The following ARHGEF7 variants were observed in gnomAD, a reference collection of about 807,000 sequenced individuals.
The protein encoded by ARHGEF7 is Rho guanine nucleotide exchange factor 7, also known as PAK-interacting exchange factor beta.
In ARHGEF7, 33 loss-of-function variants were observed where a neutral mutation model predicts 109.8. The observed-to-expected ratio is 0.30, with a 90% confidence interval of 0.23 to 0.40. ARHGEF7 has a LOEUF of 0.40. Among genes scored for constraint, ARHGEF7 ranks in the 10% least tolerant of loss-of-function variants. ARHGEF7 has a pLI of 1.00. For synonymous variants in ARHGEF7, 458 were observed against 424.6 expected (o/e 1.08, Z -0.97); for missense variants, 938 against 1,098.5 (o/e 0.85, Z 2.07).
intron 6 of ARHGEF7, chr13:111,241,241 C>A (rs553243435): frequency 6.5e-7 from 1 of 1,536,068 alleles, no homozygotes; most frequent in Non-Finnish European, 8.7e-7. Flanking sequence ...GGGTTCCCAG[C>A]GTTGGTGGGA....
At chr13:111,190,201 G>A (rs889821060) in intron 2 of ARHGEF7, among the ~76,000 whole-genome samples, 1 of 152,322 alleles carries the variant, frequency 6.6e-6, no homozygotes, top group South Asian at 2.1e-4. Flanking sequence ...ACACATTTGA[G>A]GAGGTTAAAA....
At position 111,280,569 on chromosome 13, in the gene ARHGEF7, C is replaced by T; in HGVS notation, c.1617C>T (p.Cys539=). 6.2e-7 allele frequency: 1 copy of T among 1,611,068 alleles called. No individual in the cohort carries two copies. Among genetic ancestry groups the T allele is most frequent in the Non-Finnish European group, 8.5e-7 (1 of 1,178,822 alleles). ...TGATTGAGCGGATATTAGTGTCGTG[C>T]AACAACCAGCAGGATCTGCAGGAAT... ...GSMIERILVS[C]NNQQDLQEWV... Residue 539 remains cysteine, a synonymous_variant, in exon 15 of 22, where the codon TGC becomes TGT. Transcript: ENST00000646102.
At chr13:111,118,664 T>C (rs931007209) in intron 1 of ARHGEF7, among the ~76,000 whole-genome samples, 8 of 152,084 alleles carry the variant, frequency 5.3e-5, no homozygotes, top group Non-Finnish European at 5.9e-5. Context: ...ATCCCTAGGG[T>C]ATTTAGTCAA....
rs541969438 is a variant in ARHGEF7, at chr13:111,303,646, G to C, written c.*533G>C. The C allele has an allele frequency of 1.3e-5, 2 of 152,124 alleles. No homozygotes were observed. The highest frequency in any genetic ancestry group is 2.4e-5 in the African/African-American group (1 of 41,406). The allele number at this position is 152,124 out of a possible 1,614,324, so 9.4% of individuals were successfully genotyped here. Reference sequence around the variant, plus strand: ...GTGCTGTGGCAGCACCCCCCATGTCGGTATTTCTAAATAACCTTATTTATA... The same window carrying C: ...GTGCTGTGGCAGCACCCCCCATGTCCGTATTTCTAAATAACCTTATTTATA... On this transcript the variant is annotated 3_prime_UTR_variant, in exon 22 of 22. Coordinates refer to ENST00000646102, the MANE Select transcript of ARHGEF7 (RefSeq NM_001354046.2).
chr13:111,126,219 G>C (rs977575288), intron 1 of ARHGEF7, among the ~76,000 whole-genome samples: 4 of 152,160 alleles, frequency 2.6e-5, no homozygotes, highest in Non-Finnish European at 5.9e-5. Context: ...GGCTGGGCGC[G>C]GTGGCTCACG....
intron 1 of ARHGEF7, among the ~76,000 whole-genome samples, chr13:111,137,900 A>T (rs1477242470): frequency 1.3e-5 from 2 of 152,202 alleles, no homozygotes; most frequent in Non-Finnish European, 2.9e-5. Context: ...ATGAAGTCAC[A>T]CTGTTTTAGG....
intron 9 of ARHGEF7, among the ~76,000 whole-genome samples, chr13:111,271,185 A>G (rs990379422): frequency 2.6e-5 from 4 of 152,318 alleles, no homozygotes; most frequent in African/African-American, 4.8e-5. Context: ...GGTGCCTAGC[A>G]TGGTGAGCAG....
At position 111,287,807 on chromosome 13, in the gene ARHGEF7, G is replaced by A. The variant is rs1321281285; in HGVS notation, c.2045-547G>A. 3.9e-5 allele frequency among the ~76,000 whole-genome samples: 6 copies of A among 152,254 alleles called. 1 individual carries two copies. Among genetic ancestry groups the A allele is most frequent in the African/African-American group, 1.4e-4 (6 of 41,464 alleles). ...AGCACAGCACCCTGAGCAGCAGGCA[G>A]CCAGAGTCCGGTTCCATAGACAAGA... On this transcript the variant is annotated intron_variant, in intron 17 of 21. Transcript: ENST00000646102.
At chr13:111,155,952 GCGTGCAC>G (rs1470324489) in intron 2 of ARHGEF7, among the ~76,000 whole-genome samples, 1 of 152,006 alleles carries the variant, frequency 6.6e-6, no homozygotes, top group Non-Finnish European at 1.5e-5. Flanking sequence ...CGGCGTGGTG[GCGTGCAC>G]CTGTAGTTCC....
At chr13:111,194,331 A>G (rs1412274683) in intron 2 of ARHGEF7, among the ~76,000 whole-genome samples, 2 of 152,084 alleles carry the variant, frequency 1.3e-5, no homozygotes, top group African/African-American at 4.8e-5. Flanking sequence ...TTCCCATTCT[A>G]CTAGATGAAT....
At chr13:111,287,903 G>A (rs1334094767) in intron 17 of ARHGEF7, among the ~76,000 whole-genome samples, 2 of 152,256 alleles carry the variant, frequency 1.3e-5, no homozygotes, top group African/African-American at 2.4e-5. Flanking sequence ...TGGCCACGTC[G>A]ACACTGAGAG....
intron 9 of ARHGEF7, among the ~76,000 whole-genome samples, chr13:111,271,347 G>A (rs946257946): frequency 7.9e-5 from 12 of 152,134 alleles, no homozygotes; most frequent in African/African-American, 2.4e-4. Context: ...CCATCTTCCC[G>A]GGGAAGGTGG....
chr13:111,275,823 A>G, intron 12 of ARHGEF7, 145 bp downstream of exon 12: 1 of 1,024,520 alleles, frequency 9.8e-7, no homozygotes, highest in Admixed American at 2.0e-5. Flanking sequence ...TATTCTTGAC[A>G]CAGGAGAGAG....
intron 2 of ARHGEF7, among the ~76,000 whole-genome samples, chr13:111,158,850 C>G (rs1010583398): frequency 6.6e-6 from 1 of 152,202 alleles, no homozygotes; most frequent in Non-Finnish European, 1.5e-5. Flanking sequence ...ACCTCACATA[C>G]TTCTTATTTC....
chr13:111,269,233 T>C (rs887902381), intron 9 of ARHGEF7, among the ~76,000 whole-genome samples: 1 of 152,238 alleles, frequency 6.6e-6, no homozygotes, highest in African/African-American at 2.4e-5. Flanking sequence ...CCTGGGAATT[T>C]ATACATTGAA....
At chr13:111,185,001 A>AGAATTGTC (rs2079106659) in intron 2 of ARHGEF7, 1 of 152,128 alleles carries the variant, frequency 6.6e-6, no homozygotes, top group Admixed American at 6.6e-5. Flanking sequence ...GCTTCTGGGT[A>AGAATTGTC]GAATTGTCAT....
intron 1 of ARHGEF7, among the ~76,000 whole-genome samples, chr13:111,142,580 T>G (rs527427616): frequency 6.6e-6 from 1 of 152,372 alleles, no homozygotes; most frequent in African/African-American, 2.4e-5. Context: ...CCATCTTTCA[T>G]GCAAGAGGCT....
chr13:111,216,275 G>A lies in ARHGEF7; in HGVS notation c.469-1404G>A, dbSNP rs1476592773. Among the ~76,000 whole-genome samples, 3 of 152,116 alleles carry A rather than the reference G, an allele frequency of 2.0e-5. No individual in the cohort carries two copies. In the South Asian group the frequency reaches 6.2e-4, roughly 32 times the overall value. Reference sequence around the variant, plus strand: ...AAGTCCCTGGGACTGAGTGTTGCTGGATGGGGGGGTGATGATTGGCCTGCT... The same window carrying A: ...AAGTCCCTGGGACTGAGTGTTGCTGAATGGGGGGGTGATGATTGGCCTGCT... On this transcript the variant is annotated intron_variant, in intron 4 of 21. Transcript: ENST00000646102.
chr13:111,251,930 G>A (rs2089834492), intron 8 of ARHGEF7, among the ~76,000 whole-genome samples: 1 of 152,186 alleles, frequency 6.6e-6, no homozygotes, highest in Admixed American at 6.5e-5. Context: ...TTCTTTTGTA[G>A]CTTATATGAC....
Sources: allele counts gnomAD v4.1 joint callset (sites outside exome capture counted in the v4.1 genomes callset), GRCh38; gene constraint gnomAD v4.1.1; transcripts MANE v1.5; gene names NCBI Gene and HGNC (gene_info 2026-07-23, HGNC 2026-07-21).